CLNK: variants seen among roughly 807,000 people sequenced by gnomAD.
CLNK encodes the protein cytokine-dependent hematopoietic cell linker.
CLNK carries 74 observed loss-of-function variants against 68.6 expected under a neutral mutation model. The ratio of observed to expected loss-of-function variants is 1.08; its 90% CI spans 0.89 to 1.31. CLNK has a LOEUF of 1.31. CLNK is among the 50% of genes most tolerant of loss of function. The probability of loss-of-function intolerance (pLI) is 0.00; values close to 1 mark genes in which losing one functional copy is unlikely to be tolerated. For synonymous variants in CLNK, 198 were observed against 172.2 expected (o/e 1.15, Z -1.17); for missense variants, 553 against 515.3 (o/e 1.07, Z -0.71).
At chr4:10,569,334 TTCTC>T (rs1246608201) in intron 5 of CLNK, among the ~76,000 whole-genome samples, 2 of 151,162 alleles carry the variant, frequency 1.3e-5, no homozygotes, top group African/African-American at 2.4e-5. Context: ...CACCAGAGAG[TTCTC>T]TCTCTCTCTT....
At chr4:10,721,978 A>T in the CLNK span, among the ~76,000 whole-genome samples, 1,186 of 152,222 alleles carry the variant, frequency 7.8e-3, 11 homozygotes, top group Middle Eastern at 0.068. Context: ...GGAGTTTGAG[A>T]CCATCGTGGG....
chr4:10,531,645 T>G, intron 12 of CLNK: 1 of 422,138 alleles, frequency 2.4e-6, no homozygotes, highest in South Asian at 1.7e-5. Flanking sequence ...TTCTTCATGT[T>G]GGTCAGGCTG....
intron 2 of CLNK, among the ~76,000 whole-genome samples, chr4:10,630,085 CAG>C (rs927917169): frequency 1.3e-5 from 2 of 152,164 alleles, no homozygotes; most frequent in African/African-American, 4.8e-5. Context: ...AGGGATATAA[CAG>C]AGGATAGCCT....
At chr4:10,606,571 T>C (rs1326956467) in intron 2 of CLNK, among the ~76,000 whole-genome samples, 2 of 152,228 alleles carry the variant, frequency 1.3e-5, no homozygotes, top group Non-Finnish European at 2.9e-5. Context: ...TGTGATATGC[T>C]TTTATATGCT....
intron 4 of CLNK, among the ~76,000 whole-genome samples, chr4:10,576,094 T>C (rs1051942683): frequency 6.6e-6 from 1 of 152,140 alleles, no homozygotes; most frequent in Non-Finnish European, 1.5e-5. Context: ...TAGTCAGTTG[T>C]CAAATACAGC....
Position 10,587,996 on chromosome 4 carries a change from GCT to G in CLNK, c.84-3043_84-3042del, listed in dbSNP as rs978165650. Among the ~76,000 whole-genome samples, 12 of 152,154 alleles carry G rather than the reference GCT, an allele frequency of 7.9e-5. No individual in the cohort carries two copies. The East Asian group carries it at 2.1e-3, about 27-fold the overall frequency. On this transcript the variant is annotated intron_variant, in intron 3 of 18. Transcript: ENST00000226951. ...CAAATCATTTATCGACGGCCTGAGT[GCT>G]CTCTCTTGACACTTTAGACATATGG...
chr4:10,569,856 G>T (rs1335365486), intron 5 of CLNK, among the ~76,000 whole-genome samples: 1 of 152,200 alleles, frequency 6.6e-6, no homozygotes, highest in Non-Finnish European at 1.5e-5. Flanking sequence ...GTTGTTCATT[G>T]AGAAAATGTA....
At chr4:10,598,473 A>T (rs1721466936) in intron 2 of CLNK, among the ~76,000 whole-genome samples, 1 of 152,250 alleles carries the variant, frequency 6.6e-6, no homozygotes. Context: ...ACCGTGAGCC[A>T]GGCAATGTCT....
chr4:10,556,696 A>G (rs17382947), intron 8 of CLNK, among the ~76,000 whole-genome samples: 25,036 of 152,174 alleles, frequency 0.16, 2,149 homozygotes, highest in African/African-American at 0.2. Flanking sequence ...TGATCCCTCA[A>G]TGCTTCCCAA....
At chr4:10,656,561 C>T (rs1560265699) in intron 2 of CLNK, 1 of 152,030 alleles carries the variant, frequency 6.6e-6, no homozygotes, top group Non-Finnish European at 1.5e-5. Context: ...ATGACTTTGT[C>T]CAAAGTCATG....
intron 2 of CLNK, among the ~76,000 whole-genome samples, chr4:10,602,912 A>G (rs546692869): frequency 6.6e-6 from 1 of 152,344 alleles, no homozygotes; most frequent in South Asian, 2.1e-4. Flanking sequence ...GAGGGGTTGA[A>G]TTTGCCAGAT....
chr4:10,588,710 ATAAGTATATAC>A (rs1341348532), intron 3 of CLNK, among the ~76,000 whole-genome samples: 1 of 152,222 alleles, frequency 6.6e-6, no homozygotes, highest in Non-Finnish European at 1.5e-5. Context: ...GAGGTTGGAT[ATAAGTATATAC>A]TTGTGAATGG....
intron 1 of CLNK, among the ~76,000 whole-genome samples, chr4:10,680,837 A>G (rs959760065): frequency 6.6e-6 from 1 of 152,154 alleles, no homozygotes; most frequent in Admixed American, 6.6e-5. Context: ...CCATGTCTCA[A>G]CGACTGGATG....
the CLNK span, among the ~76,000 whole-genome samples, chr4:10,699,494 C>CTCTCTCTCTCTCTCTCTCTATA: frequency 1.8e-5 from 1 of 56,968 alleles, no homozygotes; most frequent in African/African-American, 9.1e-5. Context: ...CTCTCTCTCT[C>CTCTCTCTCTCTCTCTCTCTATA]TATATATATA....
chr4:10,697,563 C>A, the CLNK span: 2 of 152,176 alleles, frequency 1.3e-5, no homozygotes, highest in Non-Finnish European at 2.9e-5. Flanking sequence ...AAAGAATTAT[C>A]ACCTTCTTCC....
At chr4:10,579,770 C>T (rs562893732) in intron 4 of CLNK, among the ~76,000 whole-genome samples, 16 of 152,276 alleles carry the variant, frequency 1.1e-4, no homozygotes, top group Non-Finnish European at 2.4e-4. Flanking sequence ...CCCACATGTG[C>T]CTGGCAACAT....
chr4:10,637,721 A>C (rs1229860874), intron 2 of CLNK, among the ~76,000 whole-genome samples: 1 of 149,198 alleles, frequency 6.7e-6, no homozygotes, highest in African/African-American at 2.5e-5. Context: ...CAGCCTCCCG[A>C]GTAGCTGGGA....
intron 2 of CLNK, among the ~76,000 whole-genome samples, chr4:10,658,562 C>T (rs1724069401): frequency 6.6e-6 from 1 of 152,208 alleles, no homozygotes; most frequent in African/African-American, 2.4e-5. Context: ...ATCCCTGGTT[C>T]TCAAGGCGGG....
At chr4:10,499,282 C>A (rs2109022753) in intron 18 of CLNK, among the ~76,000 whole-genome samples, 1 of 152,344 alleles carries the variant, frequency 6.6e-6, no homozygotes, top group Non-Finnish European at 1.5e-5. Context: ...GGCTCTCGTG[C>A]CCCTTTGTTC....
Sources: allele counts gnomAD v4.1 joint callset (sites outside exome capture counted in the v4.1 genomes callset), GRCh38; gene constraint gnomAD v4.1.1; transcripts MANE v1.5; gene names NCBI Gene and HGNC (gene_info 2026-07-23, HGNC 2026-07-21).